TBC1D19: variants seen among roughly 807,000 people sequenced by gnomAD.
The protein encoded by TBC1D19 is TBC1 domain family, member 19.
In TBC1D19, 60 loss-of-function variants were observed where a neutral mutation model predicts 89.0. That is an observed-to-expected ratio of 0.67 (90% confidence interval 0.55 to 0.84). TBC1D19 has a LOEUF of 0.84. TBC1D19 is among the 40% of genes least tolerant of loss of function. TBC1D19 has a pLI of 0.00. For missense variants in TBC1D19, 500 were observed against 610.8 expected (o/e 0.82, Z 1.91); for synonymous variants, 189 against 199.7 (o/e 0.95, Z 0.45).
the TBC1D19 span, among the ~76,000 whole-genome samples, chr4:26,793,004 T>A: frequency 1.3e-5 from 2 of 152,208 alleles, no homozygotes; most frequent in African/African-American, 4.8e-5. Context: ...TCAAACTGCA[T>A]CCAGCTTTTA....
chr4:26,628,399 A>G (rs541796937), intron 4 of TBC1D19, among the ~76,000 whole-genome samples: 11 of 152,274 alleles, frequency 7.2e-5, no homozygotes, highest in African/African-American at 2.4e-4. Flanking sequence ...TGAACTTTAA[A>G]GTAGTTTTTT....
chr4:26,805,085 C>T, the TBC1D19 span, among the ~76,000 whole-genome samples: 4 of 152,180 alleles, frequency 2.6e-5, no homozygotes, highest in Non-Finnish European at 5.9e-5. Flanking sequence ...TGCTGTGAGA[C>T]TTTGAGCAAA....
In TBC1D19 at chr4:26,637,220, G is replaced by GA; in HGVS notation, c.310dup (p.Arg104LysfsTer8). The GA allele has an allele frequency of 6.2e-7, 1 of 1,605,482 alleles. No individual in the cohort carries two copies. Among genetic ancestry groups the GA allele is most frequent in the South Asian group, 1.1e-5 (1 of 89,394 alleles). The stretch of plus-strand genomic sequence containing the variant: ...GTTTTTTATGTTTCAGGGAAGTTGG[G>GA]AAAAAAGAATTTTGAAGAGTTTAAA... On this transcript the variant is annotated frameshift_variant, in exon 5 of 21. Coordinates refer to ENST00000264866, the MANE Select transcript of TBC1D19 (RefSeq NM_018317.4). LOFTEE classifies it high-confidence loss of function.
At chr4:26,690,514 C>T (rs1423726515) in intron 13 of TBC1D19, among the ~76,000 whole-genome samples, 5 of 152,122 alleles carry the variant, frequency 3.3e-5, no homozygotes, top group South Asian at 4.1e-4. Context: ...TTGTTAGGGG[C>T]GAATGCAGCT....
At chr4:26,591,071 C>T (rs745374381) in intron 1 of TBC1D19, among the ~76,000 whole-genome samples, 10 of 114,686 alleles carry the variant, frequency 8.7e-5, no homozygotes, top group African/African-American at 2.6e-4. Flanking sequence ...TCCTCCCTTC[C>T]CCCTGAGACT....
intron 4 of TBC1D19, among the ~76,000 whole-genome samples, chr4:26,629,089 T>G (rs550079190): frequency 6.6e-6 from 1 of 152,168 alleles, no homozygotes; most frequent in African/African-American, 2.4e-5. Context: ...TCTCTCTCTC[T>G]AATCATACTT....
the TBC1D19 span, among the ~76,000 whole-genome samples, chr4:26,765,530 T>C: frequency 6.6e-6 from 1 of 152,092 alleles, no homozygotes; most frequent in South Asian, 2.1e-4. Context: ...GGGAAGAAAG[T>C]ATTTAGGTAA....
the TBC1D19 span, among the ~76,000 whole-genome samples, chr4:26,838,010 A>C: frequency 4.6e-5 from 7 of 152,238 alleles, no homozygotes; most frequent in Non-Finnish European, 1.0e-4. Flanking sequence ...TGCAGATAAC[A>C]GTTTCAATGA....
At chr4:26,709,786 G>A (rs1340399790) in intron 13 of TBC1D19, among the ~76,000 whole-genome samples, 2 of 151,922 alleles carry the variant, frequency 1.3e-5, no homozygotes, top group Non-Finnish European at 2.9e-5. Flanking sequence ...TGCAATTTTT[G>A]TCTAGGTGGG....
At chr4:26,620,225 G>A (rs1741954170) in intron 3 of TBC1D19, among the ~76,000 whole-genome samples, 1 of 152,166 alleles carries the variant, frequency 6.6e-6, no homozygotes, top group South Asian at 2.1e-4. Flanking sequence ...TCACACTCAT[G>A]TCTTGGTTTA....
chr4:26,739,622 T>A (rs1394768764), intron 16 of TBC1D19, among the ~76,000 whole-genome samples: 1 of 152,152 alleles, frequency 6.6e-6, no homozygotes, highest in African/African-American at 2.4e-5. Context: ...TTCTTAGGCA[T>A]CTGTTAAATT....
At chr4:26,814,413 T>C in the TBC1D19 span, among the ~76,000 whole-genome samples, 1 of 152,160 alleles carries the variant, frequency 6.6e-6, no homozygotes, top group Admixed American at 6.5e-5. Context: ...GTCCCCCAAC[T>C]CTTCTGGGTA....
chr4:26,789,041 A>G, the TBC1D19 span, among the ~76,000 whole-genome samples: 1 of 152,196 alleles, frequency 6.6e-6, no homozygotes, highest in Non-Finnish European at 1.5e-5. Flanking sequence ...GTCACCTCAA[A>G]TTGACCTTAG....
chr4:26,602,470 C>T (rs1269080355), intron 1 of TBC1D19, among the ~76,000 whole-genome samples: 1 of 110,350 alleles, frequency 9.1e-6, no homozygotes, highest in Non-Finnish European at 1.7e-5. Flanking sequence ...GAGACGGAGA[C>T]TTGCTCTGTC....
the TBC1D19 span, among the ~76,000 whole-genome samples, chr4:26,850,402 G>T: frequency 6.6e-6 from 1 of 151,770 alleles, no homozygotes; most frequent in South Asian, 2.1e-4. Flanking sequence ...AGAAAAATTA[G>T]CCAGGCTTGG....
chr4:26,803,711 AG>A, the TBC1D19 span, among the ~76,000 whole-genome samples: 2 of 152,186 alleles, frequency 1.3e-5, no homozygotes, highest in African/African-American at 4.8e-5. Flanking sequence ...AGTAGGAGTG[AG>A]TGAACAGATG....
the TBC1D19 span, among the ~76,000 whole-genome samples, chr4:26,796,765 A>G: frequency 1.3e-5 from 2 of 152,302 alleles, no homozygotes; most frequent in African/African-American, 4.8e-5. Flanking sequence ...GTAATAATAT[A>G]TTTATGTTTC....
intron 16 of TBC1D19, among the ~76,000 whole-genome samples, chr4:26,735,916 G>A (rs1292449010): frequency 6.7e-6 from 1 of 150,030 alleles, no homozygotes; most frequent in Non-Finnish European, 1.5e-5. Flanking sequence ...GAGAGGATGT[G>A]GAGAAATAGG....
intron 8 of TBC1D19, among the ~76,000 whole-genome samples, chr4:26,660,513 A>G (rs1003485066): frequency 6.6e-6 from 1 of 152,190 alleles, no homozygotes; most frequent in African/African-American, 2.4e-5. Context: ...CTGCTTTATC[A>G]TGCTGGAGCC....
Sources: gnomAD v4.1 joint callset for allele counts (sites outside exome capture counted in the v4.1 genomes callset) on GRCh38, gnomAD v4.1.1 for gene constraint, MANE v1.5 for transcripts, NCBI Gene and HGNC (gene_info 2026-07-23, HGNC 2026-07-21) for gene names.